Variants in FAM13A observed in about 807,000 individuals in gnomAD.
FAM13A encodes the protein family with sequence similarity 13 member A.
FAM13A carries 76 observed loss-of-function variants against 129.6 expected under a neutral mutation model. That is an observed-to-expected ratio of 0.59 (90% confidence interval 0.49 to 0.71). The LOEUF is 0.71. Among genes scored for constraint, FAM13A ranks in the 30% least tolerant of loss-of-function variants. The pLI is 0.00. For missense variants in FAM13A, 1,108 were observed against 1,249.3 expected, an observed-to-expected ratio of 0.89 and a Z score of 1.70; for synonymous variants, 443 against 449.9, an observed-to-expected ratio of 0.98 and a Z score of 0.20.
intron 13 of FAM13A, among the ~76,000 whole-genome samples, chr4:88,760,929 C>T (rs1316843235): frequency 6.6e-6 from 1 of 152,160 alleles, no homozygotes; most frequent in Non-Finnish European, 1.5e-5. Context: ...ATTTATAATG[C>T]TTATTACCTT....
chr4:88,881,672 A>C (rs186486071), intron 6 of FAM13A, among the ~76,000 whole-genome samples: 37 of 152,330 alleles, frequency 2.4e-4, no homozygotes, highest in Admixed American at 2.4e-3. Context: ...TTGATTAATA[A>C]GCTAATCAAG....
chr4:88,974,226 CA>C (rs1041211440), intron 4 of FAM13A, among the ~76,000 whole-genome samples: 1 of 152,088 alleles, frequency 6.6e-6, no homozygotes, highest in Non-Finnish European at 1.5e-5. Flanking sequence ...AGCAATTTGT[CA>C]ATTACAGTTC....
intron 1 of FAM13A, among the ~76,000 whole-genome samples, chr4:89,048,917 T>C (rs1421576485): frequency 6.6e-6 from 1 of 152,186 alleles, no homozygotes; most frequent in African/African-American, 2.4e-5. Flanking sequence ...CATCTTTTGT[T>C]CATCATTTTT....
Position 88,728,587 on chromosome 4 carries a change from C to T in FAM13A, c.3018G>A (p.Leu1006=). The T allele has an allele frequency of 6.2e-7, 1 of 1,614,208 alleles. No individual in the cohort carries two copies. The highest frequency in any genetic ancestry group is 1.1e-5 in the South Asian group (1 of 91,082). Residue 1006 remains leucine (L), a synonymous_variant, in exon 24 of 24, where the codon CTG becomes CTA. Transcript: ENST00000264344. ...YSEYKHIKAK[L]RLLEVLISKR... ...TGCTGATGAGCACCTCCAGGAGCCT[C>T]AGTTTCGCCTTTATGTGCTTATATT...
At chr4:89,027,120 T>C (rs531963710) in intron 2 of FAM13A, among the ~76,000 whole-genome samples, 6 of 152,344 alleles carry the variant, frequency 3.9e-5, no homozygotes, top group African/African-American at 1.4e-4. Context: ...CCAAACCCTA[T>C]ATATACTGTT....
At chr4:88,983,826 A>G (rs188465637) in intron 4 of FAM13A, among the ~76,000 whole-genome samples, 93 of 152,318 alleles carry the variant, frequency 6.1e-4, no homozygotes, top group African/African-American at 2.0e-3. Flanking sequence ...GAGAAATACA[A>G]TGAACCTAGA....
intron 14 of FAM13A, among the ~76,000 whole-genome samples, chr4:88,752,250 G>A (rs978378146): frequency 6.6e-6 from 1 of 152,156 alleles, no homozygotes; most frequent in African/African-American, 2.4e-5. Flanking sequence ...CAACCCAGCA[G>A]GTGACAGATA....
At chr4:88,831,051 TAAAAATAAAATTTTC>T (rs1733810754) in intron 7 of FAM13A, among the ~76,000 whole-genome samples, 1 of 152,110 alleles carries the variant, frequency 6.6e-6, no homozygotes, top group Non-Finnish European at 1.5e-5. Context: ...AAAAAGTGGT[TAAAAATAAAATTTTC>T]GAGACAACTT....
intron 13 of FAM13A, among the ~76,000 whole-genome samples, chr4:88,760,912 C>G (rs1470709561): frequency 1.3e-5 from 2 of 151,892 alleles, no homozygotes; most frequent in South Asian, 2.1e-4. Flanking sequence ...AGCATTTTCT[C>G]AAAAAGATTT....
chr4:88,775,719 A>C (rs970047933), intron 11 of FAM13A, among the ~76,000 whole-genome samples: 1 of 152,322 alleles, frequency 6.6e-6, no homozygotes, highest in East Asian at 1.9e-4. Flanking sequence ...AAAAAAAAAT[A>C]GAACTGAAAC....
At chr4:88,846,096 A>G (rs1002254115) in intron 7 of FAM13A, among the ~76,000 whole-genome samples, 5 of 152,180 alleles carry the variant, frequency 3.3e-5, no homozygotes, top group African/African-American at 1.2e-4. Flanking sequence ...TTATGAGACA[A>G]CCGAGTACAA....
chr4:88,739,197 G>T, intron 19 of FAM13A, 72 bp from the exon 20 acceptor site: 1 of 1,000,814 alleles, frequency 1.0e-6, no homozygotes, highest in Non-Finnish European at 1.6e-6. Flanking sequence ...AGCATGCTCT[G>T]GGCCTTTGTA....
intron 6 of FAM13A, among the ~76,000 whole-genome samples, chr4:88,892,388 C>T (rs2446295): frequency 0.14 from 21,515 of 151,856 alleles, 1,856 homozygotes; most frequent in Non-Finnish European, 0.2. Flanking sequence ...ACCATGTTAG[C>T]CAGGATGGTC....
At chr4:88,961,805 T>C (rs1758665829) in intron 4 of FAM13A, among the ~76,000 whole-genome samples, 1 of 152,174 alleles carries the variant, frequency 6.6e-6, no homozygotes, top group Admixed American at 6.5e-5. Context: ...GGGATTCAGT[T>C]CATGTTAAAG....
intron 11 of FAM13A, among the ~76,000 whole-genome samples, chr4:88,769,928 T>C (rs1720302764): frequency 6.6e-6 from 1 of 152,176 alleles, no homozygotes; most frequent in South Asian, 2.1e-4. Context: ...TTATTGTTTC[T>C]GAAGCTATAA....
intron 11 of FAM13A, among the ~76,000 whole-genome samples, chr4:88,778,993 T>C (rs1413410510): frequency 6.6e-6 from 1 of 152,208 alleles, no homozygotes; most frequent in Non-Finnish European, 1.5e-5. Context: ...GATTATTCCA[T>C]TTAAAACTGC....
chr4:88,961,439 T>C (rs3857043), intron 4 of FAM13A, among the ~76,000 whole-genome samples: 86,430 of 145,796 alleles, frequency 0.59, 25,755 homozygotes, highest in African/African-American at 0.7. Context: ...ATGATCTCAG[T>C]TCATTGCAAC....
At chr4:88,739,326 GTGGAAGTCACTCCAC>G (rs1739691494) in intron 19 of FAM13A, among the ~76,000 whole-genome samples, 1 of 152,144 alleles carries the variant, frequency 6.6e-6, no homozygotes, top group African/African-American at 2.4e-5. Context: ...CTGCAGATCA[GTGGAAGTCACTCCAC>G]TGGTAGTACT....
chr4:88,745,647 A>C (rs1486598690), intron 19 of FAM13A, among the ~76,000 whole-genome samples: 1 of 152,198 alleles, frequency 6.6e-6, no homozygotes, highest in Non-Finnish European at 1.5e-5. Flanking sequence ...AAAGAAGTTC[A>C]CTTCTGCCTC....
Sources: allele counts gnomAD v4.1 joint callset (sites outside exome capture counted in the v4.1 genomes callset), GRCh38; gene constraint gnomAD v4.1.1; transcripts MANE v1.5; gene names NCBI Gene and HGNC (gene_info 2026-07-23, HGNC 2026-07-21).